Variants in TSPAN9 observed in about 807,000 individuals in gnomAD.
The protein encoded by TSPAN9 is tetraspanin 9.
In TSPAN9, 16 loss-of-function variants were observed where a neutral mutation model predicts 31.0. That is an observed-to-expected ratio of 0.52 (90% CI 0.35 to 0.78). The LOEUF (loss-of-function observed/expected upper bound fraction) is 0.78. Among genes scored for constraint, TSPAN9 ranks in the 30% least tolerant of loss-of-function variants. TSPAN9 has a pLI of 0.01. For synonymous variants in TSPAN9, 145 were observed against 121.6 expected (o/e 1.19, Z -1.27); for missense variants, 272 against 312.5 (o/e 0.87, Z 0.98).
chr12:3,207,602 C>G (rs2153973662), intron 3 of TSPAN9, among the ~76,000 whole-genome samples: 1 of 152,284 alleles, frequency 6.6e-6, no homozygotes, highest in East Asian at 1.9e-4. Context: ...TTAGTGAGTC[C>G]CTGGTTTGAT....
At chr12:3,086,417 C>G (rs1304884200) in intron 2 of TSPAN9, among the ~76,000 whole-genome samples, 1 of 151,994 alleles carries the variant, frequency 6.6e-6, no homozygotes, top group East Asian at 1.9e-4. Context: ...CTCAGGCTCC[C>G]TCACAGTGGA....
chr12:3,269,084 C>G, intron 3 of TSPAN9, among the ~76,000 whole-genome samples: 1 of 84,798 alleles, frequency 1.2e-5, no homozygotes, highest in African/African-American at 4.4e-5. Context: ...AGCCTGCCCT[C>G]CCTGTGTTCC....
intron 3 of TSPAN9, among the ~76,000 whole-genome samples, chr12:3,245,109 TC>T (rs1429049862): frequency 1.3e-5 from 2 of 152,194 alleles, no homozygotes; most frequent in Non-Finnish European, 2.9e-5. Flanking sequence ...CACACTCCTC[TC>T]CAGCCCAGGC....
intron 2 of TSPAN9, among the ~76,000 whole-genome samples, chr12:3,128,180 C>G (rs1207010853): frequency 6.6e-6 from 1 of 152,018 alleles, no homozygotes; most frequent in African/African-American, 2.4e-5. Flanking sequence ...GAGGTTTTTC[C>G]CATTCTTGTC....
intron 1 of TSPAN9, among the ~76,000 whole-genome samples, chr12:3,079,945 A>ATTT (rs533753373): frequency 0.19 from 26,817 of 140,040 alleles, 2,849 homozygotes; most frequent in South Asian, 0.31. Context: ...AATTAAAAAA[A>ATTT]TTTTTTTTTT....
At chr12:3,169,374 C>T (rs2098350456) in intron 2 of TSPAN9, among the ~76,000 whole-genome samples, 1 of 152,150 alleles carries the variant, frequency 6.6e-6, no homozygotes, top group African/African-American at 2.4e-5. Context: ...AGACCTTTGG[C>T]TTAGAAAGGA....
rs1182878789 is a variant in TSPAN9 at position 3,280,958 on chromosome 12, G to A, written c.433-240G>A. Among the ~76,000 whole-genome samples, 1 of 152,170 alleles carries A rather than the reference G, an allele frequency of 6.6e-6. No individual in the cohort carries two copies. The highest frequency in any genetic ancestry group is 6.5e-5 in the Admixed American group (1 of 15,286). On this transcript the variant is annotated intron_variant, in intron 6 of 8. Coordinates refer to ENST00000011898, the MANE Select transcript of TSPAN9 (RefSeq NM_006675.5). This position sits in a 1 kb window ranked among gnomAD's most constrained non-coding sequence, Gnocchi z 4.5. ...AGGGCTGAGCCAAGGGGCCCAGCCC[G>A]AGGGGTGGGCTGCATTGCCCTCTCC...
At chr12:3,247,747 A>G (rs1050328945) in intron 3 of TSPAN9, among the ~76,000 whole-genome samples, 1 of 151,942 alleles carries the variant, frequency 6.6e-6, no homozygotes, top group Non-Finnish European at 1.5e-5. Context: ...CTCTCCATGG[A>G]TCTGTTGATG....
At chr12:3,198,256 T>C (rs1391909594) in intron 2 of TSPAN9, among the ~76,000 whole-genome samples, 30 of 51,144 alleles carry the variant, frequency 5.9e-4, no homozygotes, top group African/African-American at 1.2e-3. Flanking sequence ...CCAGCACAGC[T>C]CACCACCAGC....
At chr12:3,145,993 G>A (rs561676270) in intron 2 of TSPAN9, among the ~76,000 whole-genome samples, 5 of 152,372 alleles carry the variant, frequency 3.3e-5, no homozygotes, top group South Asian at 2.1e-4. Context: ...GGGCACGCGG[G>A]GCCTGGCGGT....
chr12:3,254,136 A>G (rs1862303716), intron 3 of TSPAN9, among the ~76,000 whole-genome samples: 1 of 152,212 alleles, frequency 6.6e-6, no homozygotes, highest in Admixed American at 6.5e-5. Flanking sequence ...AGCCTGGAGC[A>G]CAGGCTGGTT....
At chr12:3,256,570 G>GGT (rs1862350064) in intron 3 of TSPAN9, among the ~76,000 whole-genome samples, 1 of 152,222 alleles carries the variant, frequency 6.6e-6, no homozygotes, top group African/African-American at 2.4e-5. Context: ...GGCTAGGGCT[G>GGT]GGAGGGCCGG....
At position 3,113,869 on chromosome 12, in the gene TSPAN9, G is replaced by A. The variant is rs2098320586; in HGVS notation, c.-18+30150G>A. The stretch of plus-strand genomic sequence containing the variant: ...CCCAGGTCCAGAGGCAAGTCCTTCT[G>A]CAGGGACGCTGTCTTTGACCCTTGG... On this transcript the variant is annotated intron_variant, in intron 2 of 8. Transcript: ENST00000011898. Among the ~76,000 whole-genome samples the A allele has an allele frequency of 2.6e-5, 4 of 152,214 alleles. No individual in the cohort carries two copies. In the South Asian group the frequency reaches 8.3e-4, roughly 32 times the overall value.
chr12:3,275,468 T>C (rs970887945), intron 3 of TSPAN9, among the ~76,000 whole-genome samples: 1 of 152,184 alleles, frequency 6.6e-6, no homozygotes, highest in Non-Finnish European at 1.5e-5. Flanking sequence ...ATCTTCAGCA[T>C]GAAGATCATA....
At chr12:3,104,742 T>G (rs980003861) in intron 2 of TSPAN9, among the ~76,000 whole-genome samples, 3 of 152,132 alleles carry the variant, frequency 2.0e-5, no homozygotes, top group Non-Finnish European at 4.4e-5. Flanking sequence ...CCCAGCAACT[T>G]TACTCCAATT....
intron 3 of TSPAN9, among the ~76,000 whole-genome samples, chr12:3,256,511 C>T (rs1405065459): frequency 1.3e-5 from 2 of 152,224 alleles, no homozygotes; most frequent in African/African-American, 4.8e-5. Context: ...GGATGACGGG[C>T]TGTAGCGAGA....
At chr12:3,234,875 G>A (rs929304727) in intron 3 of TSPAN9, among the ~76,000 whole-genome samples, 1 of 151,898 alleles carries the variant, frequency 6.6e-6, no homozygotes, top group Non-Finnish European at 1.5e-5. Flanking sequence ...ATATAGGTAA[G>A]TGAGGCCGGG....
intron 2 of TSPAN9, among the ~76,000 whole-genome samples, chr12:3,111,792 A>G (rs138004168): frequency 0.048 from 7,361 of 151,980 alleles, 270 homozygotes; most frequent in East Asian, 0.2. Context: ...TTGTATTTTT[A>G]GTAGAGACAG....
chr12:3,157,102 GTTT>G (rs748785165), intron 2 of TSPAN9, among the ~76,000 whole-genome samples: 1 of 142,854 alleles, frequency 7.0e-6, no homozygotes. Flanking sequence ...TGAATGTGGT[GTTT>G]TTTTTTTTTT....
Sources: allele counts gnomAD v4.1 joint callset (sites outside exome capture counted in the v4.1 genomes callset), GRCh38; gene constraint gnomAD v4.1.1; non-coding constraint Gnocchi (gnomAD v3.1); transcripts MANE v1.5; gene names NCBI Gene and HGNC (gene_info 2026-07-23, HGNC 2026-07-21).